The following CCKAR variants were observed in gnomAD, a reference collection of about 807,000 sequenced individuals.
CCKAR encodes cholecystokinin receptor type A.
In CCKAR, 21 loss-of-function variants were observed where a neutral mutation model predicts 29.8. The observed-to-expected ratio is 0.70, with a 90% CI of 0.50 to 1.01. The LOEUF (loss-of-function observed/expected upper bound fraction) is 1.01. Among genes scored for constraint, CCKAR ranks in the 50% least tolerant of loss-of-function variants. The probability of loss-of-function intolerance (pLI) is 0.00; values close to 1 mark genes in which losing one functional copy is unlikely to be tolerated. For synonymous variants in CCKAR, 238 were observed against 221.3 expected (o/e 1.08, Z -0.67); for missense variants, 570 against 560.6 (o/e 1.02, Z -0.17).
At chr4:26,489,108 G>A (rs1162439318) in intron 2 of CCKAR, 125 bp downstream of exon 2, 2 of 1,229,896 alleles carry the variant, frequency 1.6e-6, no homozygotes, top group Non-Finnish European at 2.3e-6. Flanking sequence ...GCCATGCACA[G>A]CCTGATGTTC....
Position 26,481,735 on chromosome 4 carries a change from C to G in CCKAR, c.1190G>C (p.Arg397Thr). ...TTCCTCCTCCTCCCCCACCTCTCCCCTCGCCCCTGGGGGACCAGGATTGGG... is the reference window on the plus strand; with the variant it reads ...TTCCTCCTCCTCCCCCACCTCTCCCGTCGCCCCTGGGGGACCAGGATTGGG... The part of the protein sequence containing the change: ...CCPNPGPPGA[R>T]GEVGEEEEGG... The change falls in exon 5 of 5, where the codon AGG (arginine) becomes ACG (threonine). Residue 397 changes from arginine to threonine, a missense_variant. Arg to Thr is a moderately conservative substitution (Grantham distance 71). Transcript: ENST00000295589. 1.9e-6 allele frequency: 3 copies of G among 1,614,228 alleles called. No individual in the cohort carries two copies. Among genetic ancestry groups the G allele is most frequent in the Non-Finnish European group, 1.7e-6 (2 of 1,180,030 alleles).
chr4:26,489,137 A>G, intron 2 of CCKAR, 96 bp downstream of exon 2: 1 of 1,485,828 alleles, frequency 6.7e-7, no homozygotes, highest in Non-Finnish European at 9.3e-7. Flanking sequence ...AGCCCTCAGC[A>G]GGGCTCCTTT....
At position 26,489,305 on chromosome 4, in the gene CCKAR, T is replaced by C; in HGVS notation, c.292A>G (p.Asn98Asp). The C allele has an allele frequency of 6.2e-7, 1 of 1,614,118 alleles. No homozygotes were observed. The highest frequency in any genetic ancestry group is 8.5e-7 in the Non-Finnish European group (1 of 1,180,022). The change falls in exon 2 of 5, where the codon AAC (asparagine) becomes GAC (aspartate). Residue 98 changes from asparagine to aspartate, a missense_variant. Physicochemically the swap from Asn to Asp is conservative, Grantham distance 23. Transcript: ENST00000295589. ...LMLCLFCMPFNLIPNLLKDFI... is the reference protein window; with the variant it reads ...LMLCLFCMPFDLIPNLLKDFI... Reference sequence around the variant, plus strand: ...TCCTTGAGCAGATTGGGGATGAGGTTGAACGGCATGCAGAAGAGACAGAGC... The same window carrying C: ...TCCTTGAGCAGATTGGGGATGAGGTCGAACGGCATGCAGAAGAGACAGAGC...
Position 26,481,541 on chromosome 4 carries a change from C to CA in CCKAR, c.*96dup, listed in dbSNP as rs558792469. The CA allele has an allele frequency of 7.2e-4, 946 of 1,322,808 alleles. 5 individuals are homozygous for CA. The African/African-American group carries it at 0.012, about 17-fold the overall frequency. The allele number at this position is 1,322,808 out of a possible 1,614,324, so 81.9% of individuals were successfully genotyped here. On this transcript the variant is annotated 3_prime_UTR_variant, in exon 5 of 5. Coordinates refer to ENST00000295589, the MANE Select transcript of CCKAR (RefSeq NM_000730.3). ...CACTGGAGATGGAGCCTTCCTTCTC[C>CA]ATCAGCTCTGCTCCTTCTCTTCCTG...
rs1368780071 is a variant in CCKAR, at chr4:26,489,576, C to T, written c.113-92G>A. The T allele has an allele frequency of 2.0e-6, 3 of 1,463,858 alleles. No homozygotes were observed. The East Asian group carries it at 6.9e-5, about 34-fold the overall frequency. The allele number at this position is 1,463,858 out of a possible 1,614,324, so 90.7% of individuals were successfully genotyped here. A position where few individuals can be genotyped will look rare whatever the true frequency, so the allele number is the denominator to read the frequency against. ...CCAAGGGTGAATTCCTGCCGATTTT[C>T]CCCCCACCGGGGTGTACATCACTGG... On this transcript the variant is annotated intron_variant, in intron 1 of 4. Transcript: ENST00000295589.
chr4:26,486,768 A>C lies in CCKAR; in HGVS notation c.365-870T>G, dbSNP rs187439740. Among the ~76,000 whole-genome samples, 34 of 152,144 alleles carry C rather than the reference A, an allele frequency of 2.2e-4. 2 individuals carry two copies. The highest frequency in any genetic ancestry group is 2.2e-3 in the Admixed American group (33 of 15,280). On this transcript the variant is annotated intron_variant, in intron 2 of 4. Coordinates refer to ENST00000295589, the MANE Select transcript of CCKAR (RefSeq NM_000730.3). ...ATCTCTACTACAAATACAAAAATTA[A>C]CCAGGCATGGCTGCACGTGCCTGTA...
At chr4:26,488,962 A>G (rs1299741418) in intron 2 of CCKAR, among the ~76,000 whole-genome samples, 1 of 152,196 alleles carries the variant, frequency 6.6e-6, no homozygotes, top group African/African-American at 2.4e-5. Context: ...AGAAGCAAGC[A>G]AAATCAACTG....
At chr4:26,482,624 G>C (rs1406152807) in intron 4 of CCKAR, among the ~76,000 whole-genome samples, 1 of 152,158 alleles carries the variant, frequency 6.6e-6, no homozygotes, top group Non-Finnish European at 1.5e-5. Context: ...GGAGTGAGAA[G>C]GGAAAAGCTA....
At position 26,482,035 on chromosome 4, in the gene CCKAR, C is replaced by T. The variant is rs200559879; in HGVS notation, c.890G>A (p.Arg297Gln). Residue 297 changes from arginine (R) to glutamine (Q), a missense_variant, in exon 5 of 5, where the codon CGG becomes CAG. By Grantham distance (43) the Arg-to-Gln change is conservative. Transcript: ENST00000295589. ...TGSSSRANRI[R>Q]SNSSAANLMA... ...CAGGTTGGCTGCGGAGCTGTTACTC[C>T]GGATGCGGTTGGCCCTGCTGCTGCT... is the stretch of plus-strand genomic sequence containing the variant. 97 of 1,614,240 alleles carry T rather than the reference C, an allele frequency of 6.0e-5. No individual in the cohort carries two copies. The highest frequency in any genetic ancestry group is 8.3e-5 in the Admixed American group (5 of 60,026).
chr4:26,490,404 GC>G lies in CCKAR; in HGVS notation c.-138del. The G allele has an allele frequency of 1.6e-6, 1 of 629,508 alleles. No individual in the cohort carries two copies. The highest frequency in any genetic ancestry group is 2.9e-6 in the Non-Finnish European group (1 of 345,666). The allele number at this position is 629,508 out of a possible 1,614,324, so 39.0% of individuals were successfully genotyped here. A position where few individuals can be genotyped will look rare whatever the true frequency, so the allele number is the denominator to read the frequency against. ...GGGAGGGAGTGATTTCCAGGTGTGG[GC>G]TTTTTCAGCCATTCCTAAAGGCGAC... is the stretch of plus-strand genomic sequence containing the variant. On this transcript the variant is annotated 5_prime_UTR_variant, in exon 1 of 5. The change creates a premature stop within an existing upstream ORF in the 5' untranslated region. Coordinates refer to ENST00000295589, the MANE Select transcript of CCKAR (RefSeq NM_000730.3).
chr4:26,490,082 T>C (rs1299953888), intron 1 of CCKAR, 74 bp downstream of exon 1: 3 of 894,144 alleles, frequency 3.4e-6, no homozygotes, highest in South Asian at 2.9e-5. Context: ...ATATTTTTTA[T>C]CAGCCTTGCC....
chr4:26,485,699 A>G lies in CCKAR; in HGVS notation c.564T>C (p.Asn188=). 1.2e-6 allele frequency: 2 copies of G among 1,614,210 alleles called. No individual in the cohort carries two copies. Among genetic ancestry groups the G allele is most frequent in the South Asian group, 1.1e-5 (1 of 91,078 alleles). The change falls in exon 3 of 5, where the codon AAT becomes AAC. Residue 188 remains asparagine (N), a synonymous_variant. Transcript: ENST00000295589. Reference sequence around the variant, plus strand: ...GGCACATATTCGCGGTCTGGTTGTTATTTTTGGTAAAAGGCACCAAGTTGC... The same window carrying G: ...GGCACATATTCGCGGTCTGGTTGTTGTTTTTGGTAAAAGGCACCAAGTTGC... ...IYSNLVPFTK[N]NNQTANMCRF...
rs982913598 is a variant in CCKAR at position 26,485,545 on chromosome 4, C to T, written c.626+92G>A. 57 of 1,387,576 alleles carry T rather than the reference C, an allele frequency of 4.1e-5. No individual in the cohort carries two copies. In the African/African-American group the frequency reaches 7.7e-4, roughly 19 times the overall value. The allele number at this position is 1,387,576 out of a possible 1,614,324, so 86.0% of individuals were successfully genotyped here. ...TCAAAACGTCTCCAGGAAACTGATC[C>T]CCCAACCACTCTGGGCAAGGCATCT... On this transcript the variant is annotated intron_variant, in intron 3 of 4. Coordinates refer to ENST00000295589, the MANE Select transcript of CCKAR (RefSeq NM_000730.3).
At chr4:26,485,922 G>T in intron 2 of CCKAR, 24 bp from the exon 3 acceptor site, 8 of 1,603,338 alleles carry the variant, frequency 5.0e-6, no homozygotes, top group Non-Finnish European at 6.8e-6. Flanking sequence ...AAAGAAGCCG[G>T]TTATGTTGAC....
rs535026818 is a variant in CCKAR at position 26,488,069 on chromosome 4, T to C, written c.364+1164A>G. Among the ~76,000 whole-genome samples the C allele has an allele frequency of 3.3e-5, 5 of 152,298 alleles. No homozygotes were observed. The East Asian group carries it at 7.7e-4, about 24-fold the overall frequency. ...GAGGACTTATAAGGCTTTCTGGTCA[T>C]TGAAGACTGCCCTAGCCTAACTCAG... On this transcript the variant is annotated intron_variant, in intron 2 of 4. Transcript: ENST00000295589.
At chr4:26,486,149 C>T (rs1376611015) in intron 2 of CCKAR, among the ~76,000 whole-genome samples, 1 of 152,154 alleles carries the variant, frequency 6.6e-6, no homozygotes, top group Admixed American at 6.5e-5. Flanking sequence ...GTTTATTGAG[C>T]TTTGATTATC....
intron 2 of CCKAR, among the ~76,000 whole-genome samples, chr4:26,487,968 T>A (rs1737481214): frequency 6.6e-6 from 1 of 151,758 alleles, no homozygotes; most frequent in Non-Finnish European, 1.5e-5. Context: ...ACATTCTTGG[T>A]TTTTGGTGGC....
At chr4:26,486,889 G>T (rs954095785) in intron 2 of CCKAR, among the ~76,000 whole-genome samples, 4 of 152,122 alleles carry the variant, frequency 2.6e-5, no homozygotes, top group African/African-American at 9.7e-5. Context: ...ACCCCAGCCT[G>T]GGCGACAGAG....
At chr4:26,489,159 C>G (rs540944060) in intron 2 of CCKAR, 74 bp downstream of exon 2, 1 of 1,579,686 alleles carries the variant, frequency 6.3e-7, no homozygotes, top group African/African-American at 1.3e-5. Context: ...CTGTGATTGT[C>G]AGAGGTTTGG....
Sources: gnomAD v4.1 joint callset for allele counts (sites outside exome capture counted in the v4.1 genomes callset) on GRCh38, gnomAD v4.1.1 for gene constraint, MANE v1.5 for transcripts, NCBI Gene and HGNC (gene_info 2026-07-23, HGNC 2026-07-21) for gene names.